ACACB: variants seen among roughly 807,000 people sequenced by gnomAD.
ACACB encodes the protein acetyl-CoA carboxylase beta, also known as acetyl-CoA carboxylase 2.
ACACB carries 209 observed loss-of-function variants against 278.8 expected under a neutral mutation model. The ratio of observed to expected loss-of-function variants is 0.75; its 90% CI spans 0.67 to 0.84. ACACB has a LOEUF of 0.84. ACACB is among the 40% of genes least tolerant of loss of function. The pLI, the probability that ACACB is intolerant of heterozygous loss-of-function variation, is 0.00. For missense variants in ACACB, 2,850 were observed against 3,269.0 expected, an observed-to-expected ratio of 0.87 and a Z score of 3.13; for synonymous variants, 1,174 against 1,285.6, an observed-to-expected ratio of 0.91 and a Z score of 1.86.
chr12:109,121,635 T>A (rs1020589913), intron 1 of ACACB, among the ~76,000 whole-genome samples: 4 of 152,176 alleles, frequency 2.6e-5, no homozygotes, highest in Non-Finnish European at 5.9e-5. Context: ...GCCGTGCAGA[T>A]GCCTGTGCCC....
At chr12:109,235,108 A>G (rs947303253) in intron 31 of ACACB, among the ~76,000 whole-genome samples, 1 of 152,170 alleles carries the variant, frequency 6.6e-6, no homozygotes, top group Admixed American at 6.5e-5. Context: ...GCCCTAGGCA[A>G]CCACTAATCT....
intron 1 of ACACB, among the ~76,000 whole-genome samples, chr12:109,118,697 A>G (rs2042466374): frequency 6.6e-6 from 1 of 152,172 alleles, no homozygotes; most frequent in Admixed American, 6.5e-5. Context: ...TACGGGCATG[A>G]GCCACTGCAC....
At chr12:109,185,850 T>A (rs763754419) in intron 12 of ACACB, 110 bp downstream of exon 12, 1 of 1,125,612 alleles carries the variant, frequency 8.9e-7, no homozygotes, top group Non-Finnish European at 1.2e-6. Context: ...GGCATCTCAG[T>A]TTACAAATGG....
rs567581263 is a variant in ACACB at position 109,170,791 on chromosome 12, G to GT, written c.926-1013dup. ...ATGGTTAAGATGGTAAATTTTGTGT[G>GT]TGTTTTTTTTTTTACCATAATTTAA... On this transcript the variant is annotated intron_variant, in intron 4 of 52. Coordinates refer to ENST00000338432, the MANE Select transcript of ACACB (RefSeq NM_001093.4). 3.5e-3 allele frequency among the ~76,000 whole-genome samples: 472 copies of GT among 135,524 alleles called. 6 individuals are homozygous for GT. The highest frequency in any genetic ancestry group is 0.013 in the African/African-American group (451 of 35,236). 88.9% of individuals were successfully genotyped at this position (135,524 alleles called of 152,430 possible).
intron 7 of ACACB, among the ~76,000 whole-genome samples, chr12:109,175,231 T>TCC (rs200420638): frequency 2.0e-5 from 3 of 149,756 alleles, no homozygotes; most frequent in Non-Finnish European, 4.5e-5. Context: ...TGTTTTTTTT[T>TCC]CCCCCCCCAA....
At position 109,259,213 on chromosome 12, in the gene ACACB, C is replaced by G. The variant is rs17848840; in HGVS notation, c.6496+105C>G. On this transcript the variant is annotated intron_variant, in intron 47 of 52. Transcript: ENST00000338432. ...TGTCCTAGTCTGTGCCCATCATCAT[C>G]TTAGCTGTGTCTCCCAACAACCCTG... 1.3e-3 allele frequency: 1,847 copies of G among 1,371,872 alleles called. 32 individuals are homozygous for G. In the East Asian group the frequency reaches 0.039, roughly 29 times the overall value. 85.0% of individuals were successfully genotyped at this position (1,371,872 alleles called of 1,614,324 possible). A position where few individuals can be genotyped will look rare whatever the true frequency, so the allele number is the denominator to read the frequency against.
intron 19 of ACACB, among the ~76,000 whole-genome samples, chr12:109,203,188 A>T (rs1262684061): frequency 1.3e-5 from 2 of 152,168 alleles, no homozygotes. Flanking sequence ...ATGTGGCAGA[A>T]TTTCCCTGTT....
rs545098844 is a variant in ACACB at position 109,201,447 on chromosome 12, C to A, written c.2779-120C>A. Reference sequence around the variant, plus strand: ...TCTGCCTGAACACTACCCAGGGAGTCATTCTGGCGCGTCCCTGGGTAGTGT... The same window carrying A: ...TCTGCCTGAACACTACCCAGGGAGTAATTCTGGCGCGTCCCTGGGTAGTGT... On this transcript the variant is annotated intron_variant, in intron 18 of 52. Transcript: ENST00000338432. 73 of 1,212,498 alleles carry A rather than the reference C, an allele frequency of 6.0e-5. No homozygotes were observed. In the African/African-American group the frequency reaches 9.2e-4, roughly 15 times the overall value. 75.1% of individuals were successfully genotyped at this position (1,212,498 alleles called of 1,614,324 possible).
intron 45 of ACACB, among the ~76,000 whole-genome samples, chr12:109,257,304 T>C (rs1429806377): frequency 6.6e-6 from 1 of 151,396 alleles, no homozygotes; most frequent in East Asian, 1.9e-4. Context: ...AAATTATATT[T>C]TTAAAAGCAA....
At chr12:109,151,266 A>C (rs542455242) in intron 2 of ACACB, among the ~76,000 whole-genome samples, 2 of 152,068 alleles carry the variant, frequency 1.3e-5, no homozygotes, top group Non-Finnish European at 2.9e-5. Context: ...TACAGGTGTG[A>C]GCCACTGCGC....
At chr12:109,135,827 TGAGACGGAG>T (rs2042953292) in intron 1 of ACACB, among the ~76,000 whole-genome samples, 1 of 124,456 alleles carries the variant, frequency 8.0e-6, no homozygotes. Context: ...TTTTTTTTTT[TGAGACGGAG>T]TCTTGCTCTG....
At chr12:109,180,181 C>T (rs369935707) in intron 11 of ACACB, 94 bp downstream of exon 11, 7 of 1,345,126 alleles carry the variant, frequency 5.2e-6, no homozygotes, top group East Asian at 4.7e-5. Context: ...ATCTCTTGGC[C>T]GACTGTCCCA....
At chr12:109,258,476 G>A (rs377532180) in intron 46 of ACACB, 112 bp downstream of exon 46, 2 of 819,334 alleles carry the variant, frequency 2.4e-6, no homozygotes, top group African/African-American at 1.7e-5. Flanking sequence ...AGAAGCAGGG[G>A]ACCCAGTGCA....
At chr12:109,243,470 G>A (rs957551656) in intron 37 of ACACB, among the ~76,000 whole-genome samples, 3 of 151,920 alleles carry the variant, frequency 2.0e-5, no homozygotes, top group African/African-American at 4.8e-5. Context: ...GTAGTGGCAG[G>A]CACCTGTAGT....
chr12:109,199,697 C>A (rs1350723396), intron 18 of ACACB, 145 bp downstream of exon 18: 2 of 913,958 alleles, frequency 2.2e-6, no homozygotes, highest in Non-Finnish European at 2.9e-6. Flanking sequence ...GGATTTCAGC[C>A]AAATCCCCTG....
At chr12:109,182,409 C>T (rs766744715) in intron 11 of ACACB, among the ~76,000 whole-genome samples, 28 of 152,138 alleles carry the variant, frequency 1.8e-4, no homozygotes, top group African/African-American at 6.3e-4. Context: ...GCTCTGTTGC[C>T]CAGGCAGGAA....
intron 2 of ACACB, among the ~76,000 whole-genome samples, chr12:109,146,505 C>T (rs1208923177): frequency 2.0e-5 from 3 of 152,210 alleles, no homozygotes; most frequent in African/African-American, 4.8e-5. Flanking sequence ...GTTCTCACAA[C>T]TGTGTTCCTG....
At chr12:109,133,861 ATATTTTTTTTTTTT>A (rs747061754) in intron 1 of ACACB, among the ~76,000 whole-genome samples, 1 of 46,346 alleles carries the variant, frequency 2.2e-5, no homozygotes, top group Admixed American at 2.6e-4. Flanking sequence ...ATATATATAT[ATATTTTTTTTTTTT>A]TTTTTTTCAT....
At chr12:109,262,312 G>T (rs201952241) in intron 48 of ACACB, 45 bp from the exon 49 acceptor site, 1 of 1,507,594 alleles carries the variant, frequency 6.6e-7, no homozygotes, top group Admixed American at 1.7e-5. Context: ...CTTGCTTGCT[G>T]GGCAATGCCT....
Sources: gnomAD v4.1 joint callset for allele counts (sites outside exome capture counted in the v4.1 genomes callset) on GRCh38, gnomAD v4.1.1 for gene constraint, MANE v1.5 for transcripts, NCBI Gene and HGNC (gene_info 2026-07-23, HGNC 2026-07-21) for gene names.